Variants in ABCA13 observed in about 807,000 individuals in gnomAD.
ABCA13 encodes ATP-binding cassette sub-family A member 13.
ABCA13 carries 476 observed loss-of-function variants against 478.7 expected under a neutral mutation model. The ratio of observed to expected loss-of-function variants is 0.99; its 90% CI spans 0.92 to 1.07. The LOEUF (loss-of-function observed/expected upper bound fraction) is 1.07, where lower values mean the gene tolerates loss of function less well. Among genes scored for constraint, ABCA13 ranks in the 50% least tolerant of loss-of-function variants. ABCA13 has a pLI of 0.00. For synonymous variants in ABCA13, 2,252 were observed against 2,158.9 expected, an observed-to-expected ratio of 1.04 and a Z score of -1.20; for missense variants, 6,060 against 5,910.6, an observed-to-expected ratio of 1.03 and a Z score of -0.83.
In ABCA13 at chr7:48,293,197, C is replaced by G. The variant is rs866635712; in HGVS notation, c.8956-2503C>G. On this transcript the variant is annotated intron_variant, in intron 20 of 61. Transcript: ENST00000435803. ...CATTTCCTGAGAAGTCTTCAGCCCC[C>G]CCCCCGCCACACACACACTAAATCT... 9.4e-5 allele frequency among the ~76,000 whole-genome samples: 12 copies of G among 127,186 alleles called. 1 individual carries two copies. The highest frequency in any genetic ancestry group is 3.1e-4 in the African/African-American group (10 of 32,272). The allele number at this position is 127,186 out of a possible 152,430, so 83.4% of individuals were successfully genotyped here.
intron 34 of ABCA13, 34 bp from the exon 35 acceptor site, chr7:48,376,407 G>T: frequency 6.3e-7 from 1 of 1,598,898 alleles, no homozygotes; most frequent in South Asian, 1.1e-5. Context: ...AAGAGCTTGT[G>T]CAGTTCTAAC....
intron 38 of ABCA13, among the ~76,000 whole-genome samples, chr7:48,395,705 T>G (rs544261854): frequency 1.3e-5 from 2 of 152,340 alleles, no homozygotes; most frequent in East Asian, 1.9e-4. Context: ...AAATATAGTT[T>G]CTCTTCTTTA....
intron 42 of ABCA13, among the ~76,000 whole-genome samples, chr7:48,437,591 A>T (rs1563255455): frequency 6.6e-6 from 1 of 151,918 alleles, no homozygotes; most frequent in Non-Finnish European, 1.5e-5. Context: ...TAAAATCTTT[A>T]TGTAGTATGT....
At chr7:48,455,719 T>C (rs1825593414) in intron 43 of ABCA13, among the ~76,000 whole-genome samples, 1 of 152,234 alleles carries the variant, frequency 6.6e-6, no homozygotes, top group Non-Finnish European at 1.5e-5. Context: ...AGCCCCACAG[T>C]TGCACACACC....
At chr7:48,351,225 G>A (rs189401459) in intron 30 of ABCA13, among the ~76,000 whole-genome samples, 179 of 152,266 alleles carry the variant, frequency 1.2e-3, no homozygotes, top group Admixed American at 8.0e-3. Context: ...TGGTTGGGGC[G>A]GAGAGCAGGC....
intron 1 of ABCA13, among the ~76,000 whole-genome samples, chr7:48,173,686 T>C (rs1413910646): frequency 6.6e-6 from 1 of 152,250 alleles, no homozygotes; most frequent in African/African-American, 2.4e-5. Context: ...AGTGGTTCCA[T>C]GCATAGAATT....
intron 26 of ABCA13, among the ~76,000 whole-genome samples, chr7:48,316,252 G>C (rs945389649): frequency 1.3e-5 from 2 of 152,116 alleles, no homozygotes; most frequent in African/African-American, 4.8e-5. Context: ...TCGTAAGTTT[G>C]ATGGTTCTGC....
intron 56 of ABCA13, among the ~76,000 whole-genome samples, chr7:48,581,385 C>G (rs2131368732): frequency 6.6e-6 from 1 of 152,144 alleles, no homozygotes; most frequent in African/African-American, 2.4e-5. Flanking sequence ...GGACTCTGGC[C>G]CCTTTTCCCA....
intron 58 of ABCA13, among the ~76,000 whole-genome samples, chr7:48,604,034 A>T (rs1278247296): frequency 6.6e-6 from 1 of 152,136 alleles, no homozygotes; most frequent in African/African-American, 2.4e-5. Flanking sequence ...TGTTTATAGT[A>T]TTCTCTGATG....
At chr7:48,623,146 T>C (rs919039020) in intron 59 of ABCA13, among the ~76,000 whole-genome samples, 1 of 152,222 alleles carries the variant, frequency 6.6e-6, no homozygotes, top group Non-Finnish European at 1.5e-5. Context: ...TCTTCAATGG[T>C]GTCTGCACCA....
chr7:48,346,973 C>T (rs928524722), intron 29 of ABCA13, among the ~76,000 whole-genome samples: 1 of 152,130 alleles, frequency 6.6e-6, no homozygotes, highest in Admixed American at 6.5e-5. Context: ...TTGATGCCTC[C>T]CATGGCTATA....
chr7:48,179,372 C>T (rs964799468), intron 1 of ABCA13, among the ~76,000 whole-genome samples: 4 of 152,194 alleles, frequency 2.6e-5, no homozygotes, highest in Admixed American at 1.3e-4. Flanking sequence ...GTCAGCTCTT[C>T]GTGAGTGTCC....
At chr7:48,404,026 G>A (rs1329914123) in intron 39 of ABCA13, 147 bp downstream of exon 39, 1 of 959,344 alleles carries the variant, frequency 1.0e-6, no homozygotes, top group African/African-American at 1.6e-5. Flanking sequence ...AGCACTTATA[G>A]GGATATATTC....
chr7:48,438,768 C>T (rs895558927), intron 42 of ABCA13, among the ~76,000 whole-genome samples: 5 of 151,958 alleles, frequency 3.3e-5, no homozygotes, highest in African/African-American at 1.2e-4. Context: ...CCAGTAGAAA[C>T]CAGGCAGCAC....
At chr7:48,267,159 G>A (rs1276410881) in intron 15 of ABCA13, among the ~76,000 whole-genome samples, 1 of 151,974 alleles carries the variant, frequency 6.6e-6, no homozygotes, top group Admixed American at 6.5e-5. Context: ...TGTTGTTGTT[G>A]GGTGGCATTT....
At chr7:48,524,492 T>C (rs988746313) in intron 54 of ABCA13, 52 bp downstream of exon 54, 7 of 1,464,294 alleles carry the variant, frequency 4.8e-6, no homozygotes, top group Non-Finnish European at 6.5e-6. Context: ...TGTACAACTC[T>C]AGTAGCTGAT....
At position 48,374,329 on chromosome 7, in the gene ABCA13, C is replaced by T. The variant is rs751858010; in HGVS notation, c.11134-18C>T. ...CAAAACACTAACGTGCAGTTTTTCT[C>T]CATCAATCTGTGGGCAGTGCCTTCT... On this transcript the variant is annotated intron_variant, in intron 33 of 61. Transcript: ENST00000435803. 5.0e-6 allele frequency: 8 copies of T among 1,601,360 alleles called. No individual in the cohort carries two copies. The Admixed American group carries it at 1.2e-4, about 24-fold the overall frequency.
At chr7:48,269,210 C>A in intron 16 of ABCA13, 116 bp downstream of exon 16, 1 of 608,432 alleles carries the variant, frequency 1.6e-6, no homozygotes, top group Non-Finnish European at 2.9e-6. Context: ...TAGATATTGA[C>A]ACAATCTTTC....
chr7:48,406,741 C>T (rs1254485115), intron 39 of ABCA13, among the ~76,000 whole-genome samples: 9 of 152,060 alleles, frequency 5.9e-5, no homozygotes, highest in African/African-American at 1.7e-4. Flanking sequence ...GGCATGGTGG[C>T]GCATGCCTGT....
Sources: allele counts gnomAD v4.1 joint callset (sites outside exome capture counted in the v4.1 genomes callset), GRCh38; gene constraint gnomAD v4.1.1; transcripts MANE v1.5; gene names NCBI Gene and HGNC (gene_info 2026-07-23, HGNC 2026-07-21).